TSPAN5: variants seen among roughly 807,000 people sequenced by gnomAD.
TSPAN5 encodes tetraspanin 5.
TSPAN5 carries 10 observed loss-of-function variants against 37.1 expected under a neutral mutation model. The observed-to-expected ratio is 0.27, with a 90% CI of 0.17 to 0.46. TSPAN5 has a LOEUF of 0.46. TSPAN5 is among the 20% of genes least tolerant of loss of function. TSPAN5 has a pLI of 1.00. For synonymous variants in TSPAN5, 110 were observed against 118.9 expected (o/e 0.93, Z 0.48); for missense variants, 195 against 326.6 (o/e 0.60, Z 3.11).
At chr4:98,482,368 T>C in intron 3 of TSPAN5, 193 bp from the exon 4 acceptor site, 1 of 500,182 alleles carries the variant, frequency 2.0e-6, no homozygotes, top group Non-Finnish European at 3.5e-6. Flanking sequence ...AAAATCATTT[T>C]ATAATCACAT....
At chr4:98,568,017 C>A (rs7678323) in intron 1 of TSPAN5, among the ~76,000 whole-genome samples, 111,315 of 151,908 alleles carry the variant, frequency 0.73, 41,078 homozygotes, top group South Asian at 0.85. Flanking sequence ...AATACATGCA[C>A]ACTGCTTGGG....
At chr4:98,500,548 G>C (rs1013446470) in intron 2 of TSPAN5, among the ~76,000 whole-genome samples, 27 of 152,196 alleles carry the variant, frequency 1.8e-4, no homozygotes, top group Non-Finnish European at 2.8e-4. Context: ...CAGAGGACTG[G>C]GAGGGAGAGG....
At chr4:98,506,470 T>C (rs1235216687) in intron 2 of TSPAN5, among the ~76,000 whole-genome samples, 1 of 152,278 alleles carries the variant, frequency 6.6e-6, no homozygotes, top group African/African-American at 2.4e-5. Flanking sequence ...TAGAAGAATT[T>C]TGTAAATAAA....
At chr4:98,478,880 C>T (rs1318039757) in intron 4 of TSPAN5, 70 bp from the exon 5 acceptor site, 37 of 1,570,042 alleles carry the variant, frequency 2.4e-5, no homozygotes, top group African/African-American at 8.1e-5. Flanking sequence ...TCACACCCGC[C>T]GAACGACACC....
chr4:98,644,889 A>G (rs1757029729), intron 1 of TSPAN5, among the ~76,000 whole-genome samples: 1 of 152,136 alleles, frequency 6.6e-6, no homozygotes, highest in African/African-American at 2.4e-5. Context: ...CACACTCTCA[A>G]CAGAAAACAG....
chr4:98,476,346 C>G, intron 6 of TSPAN5, 41 bp from the exon 7 acceptor site: 1 of 1,612,754 alleles, frequency 6.2e-7, no homozygotes, highest in Non-Finnish European at 8.5e-7. Context: ...ACAGATAGAG[C>G]ACCAGGCACA....
intron 1 of TSPAN5, among the ~76,000 whole-genome samples, chr4:98,545,288 T>A (rs1049733769): frequency 5.3e-5 from 8 of 152,216 alleles, no homozygotes; most frequent in African/African-American, 1.9e-4. Context: ...AGAGAAAAAC[T>A]GCTGATACCT....
At chr4:98,498,974 C>T (rs1042484226) in intron 2 of TSPAN5, among the ~76,000 whole-genome samples, 12 of 152,264 alleles carry the variant, frequency 7.9e-5, no homozygotes, top group African/African-American at 1.9e-4. Flanking sequence ...TCATCCTGGA[C>T]GCTGTCAGAT....
At chr4:98,551,813 T>C (rs938822184) in intron 1 of TSPAN5, among the ~76,000 whole-genome samples, 1 of 152,102 alleles carries the variant, frequency 6.6e-6, no homozygotes, top group African/African-American at 2.4e-5. Context: ...TTTGTATGTT[T>C]GAAAGAATTT....
Position 98,472,284 on chromosome 4 carries a change from A to AT in TSPAN5, c.*237dup, listed in dbSNP as rs960815483. The AT allele has an allele frequency of 1.2e-5, 5 of 406,080 alleles. No homozygotes were observed. Among genetic ancestry groups the AT allele is most frequent in the Non-Finnish European group, 1.7e-5 (4 of 229,560 alleles). 25.2% of individuals were successfully genotyped at this position (406,080 alleles called of 1,614,324 possible). On this transcript the variant is annotated 3_prime_UTR_variant, in exon 8 of 8. Transcript: ENST00000305798. ...TTGGTAAGCATCTAACTGTCCATAA[A>AT]TTCATGGCTACAGTAGAGATTCACG...
chr4:98,550,495 G>A (rs551849497), intron 1 of TSPAN5, among the ~76,000 whole-genome samples: 3 of 151,916 alleles, frequency 2.0e-5, no homozygotes, highest in Non-Finnish European at 4.4e-5. Context: ...TAACAATGTT[G>A]ATTCTTCTAA....
At chr4:98,615,636 C>T (rs1432249893) in intron 1 of TSPAN5, among the ~76,000 whole-genome samples, 1 of 152,268 alleles carries the variant, frequency 6.6e-6, no homozygotes, top group East Asian at 1.9e-4. Context: ...GCCTGGCCAA[C>T]GTGGCGAAAC....
chr4:98,553,928 G>A (rs532878702), intron 1 of TSPAN5, among the ~76,000 whole-genome samples: 2 of 152,182 alleles, frequency 1.3e-5, no homozygotes, highest in Non-Finnish European at 2.9e-5. Context: ...TTAGCTGGGC[G>A]TGATGGCAGG....
chr4:98,520,411 G>T (rs959690163), intron 1 of TSPAN5, among the ~76,000 whole-genome samples: 1 of 152,242 alleles, frequency 6.6e-6, no homozygotes, highest in African/African-American at 2.4e-5. Flanking sequence ...TAGGTAAGAT[G>T]AGTTGGGAGG....
At chr4:98,628,249 A>G (rs1756652935) in intron 1 of TSPAN5, among the ~76,000 whole-genome samples, 1 of 152,156 alleles carries the variant, frequency 6.6e-6, no homozygotes, top group African/African-American at 2.4e-5. Context: ...CATCTAGACT[A>G]GTGTTTGTGG....
chr4:98,482,262 G>C, intron 3 of TSPAN5, 87 bp from the exon 4 acceptor site: 2 of 1,211,866 alleles, frequency 1.7e-6, no homozygotes, highest in South Asian at 3.0e-5. Flanking sequence ...AAACAGGTTT[G>C]TAATTACATT....
intron 1 of TSPAN5, among the ~76,000 whole-genome samples, chr4:98,561,121 G>A (rs1212962971): frequency 6.6e-6 from 1 of 152,222 alleles, no homozygotes; most frequent in East Asian, 1.9e-4. Context: ...GAGAGAAGTG[G>A]TAGGTGTCAC....
In TSPAN5 at chr4:98,546,191, C is replaced by G. The variant is rs1754465813; in HGVS notation, c.82-38463G>C. 2.6e-5 allele frequency among the ~76,000 whole-genome samples: 4 copies of G among 152,036 alleles called. No individual in the cohort carries two copies. The South Asian group carries it at 8.3e-4, about 32-fold the overall frequency. On this transcript the variant is annotated intron_variant, in intron 1 of 7. Transcript: ENST00000305798. ...CCAGAGCAGGTGGTAGGTCAGAGAC[C>G]CAGGACCAAGCAAGCATATTCTAAC... is the stretch of plus-strand genomic sequence containing the variant.
intron 1 of TSPAN5, among the ~76,000 whole-genome samples, chr4:98,655,152 T>TTTTTTG (rs1757269695): frequency 6.6e-6 from 1 of 152,128 alleles, no homozygotes; most frequent in South Asian, 2.1e-4. Flanking sequence ...GCCTTGGTTT[T>TTTTTTG]TTTTTGTTTT....
Sources: gnomAD v4.1 joint callset for allele counts (sites outside exome capture counted in the v4.1 genomes callset) on GRCh38, gnomAD v4.1.1 for gene constraint, MANE v1.5 for transcripts, NCBI Gene and HGNC (gene_info 2026-07-23, HGNC 2026-07-21) for gene names.